Variants in NRP2 observed in about 807,000 individuals in gnomAD.
NRP2 encodes neuropilin 2, also known as neuropilin-2.
NRP2 carries 52 observed loss-of-function variants against 110.4 expected under a neutral mutation model. The observed-to-expected ratio is 0.47, with a 90% CI of 0.38 to 0.59. The LOEUF is 0.59. Ranked by LOEUF, NRP2 falls within the 20% of genes least tolerant of loss-of-function variation. The pLI, the probability that NRP2 is intolerant of heterozygous loss-of-function variation, is 0.00. For synonymous variants in NRP2, 508 were observed against 468.9 expected (o/e 1.08, Z -1.08); for missense variants, 1,049 against 1,203.0 (o/e 0.87, Z 1.89).
chr2:205,720,360 C>G (rs1408867142), intron 3 of NRP2, among the ~76,000 whole-genome samples: 1 of 146,400 alleles, frequency 6.8e-6, no homozygotes, highest in African/African-American at 2.5e-5. Flanking sequence ...TGGATACTTT[C>G]AAATTTCACA....
intron 15 of NRP2, among the ~76,000 whole-genome samples, chr2:205,770,589 C>T (rs1370670292): frequency 6.6e-6 from 1 of 152,168 alleles, no homozygotes; most frequent in Non-Finnish European, 1.5e-5. Context: ...CCTCACATTC[C>T]CTTTCTCCCT....
At position 205,723,905 on chromosome 2, in the gene NRP2, C is replaced by T. The variant is rs370384347; in HGVS notation, c.785C>T (p.Ala262Val). 274 of 1,614,132 alleles carry T rather than the reference C, an allele frequency of 1.7e-4. 5 individuals are homozygous for T. In the South Asian group the frequency reaches 2.0e-3, roughly 12 times the overall value. Residue 262 changes from alanine to valine, a missense_variant, in exon 5 of 17, where the codon GCG (alanine) becomes GTG (valine). By Grantham distance (64) the Ala-to-Val change is moderately conservative (BLOSUM62 0). Transcript: ENST00000357785. Reference sequence around the variant, plus strand: ...GCGGTGGCCAAGGATGGCTTCTCTGCGCGTTACTACCTGGTCCACCAAGAG... The same window carrying T: ...GCGGTGGCCAAGGATGGCTTCTCTGTGCGTTACTACCTGGTCCACCAAGAG... ...DMAVAKDGFSARYYLVHQEPL... is the reference protein window; with the variant it reads ...DMAVAKDGFSVRYYLVHQEPL...
chr2:205,765,143 TAGTG>T (rs765588288), intron 13 of NRP2, among the ~76,000 whole-genome samples: 3 of 152,076 alleles, frequency 2.0e-5, no homozygotes, highest in Non-Finnish European at 2.9e-5. Flanking sequence ...ACCTCGAAAA[TAGTG>T]AGGGAAGTTT....
chr2:205,723,758 T>C (rs777362696), intron 4 of NRP2, 27 bp from the exon 5 acceptor site: 1 of 1,613,720 alleles, frequency 6.2e-7, no homozygotes, highest in South Asian at 1.1e-5. Flanking sequence ...TGATTTCCAC[T>C]GACTTCTCTT....
At chr2:205,721,850 TA>T (rs2057019509) in intron 3 of NRP2, among the ~76,000 whole-genome samples, 1 of 152,176 alleles carries the variant, frequency 6.6e-6, no homozygotes, top group African/African-American at 2.4e-5. Context: ...CATCGATTGT[TA>T]ATTGTCCGAC....
intron 2 of NRP2, among the ~76,000 whole-genome samples, chr2:205,714,568 G>A (rs2056857430): frequency 1.3e-5 from 2 of 152,190 alleles, no homozygotes; most frequent in Admixed American, 1.3e-4. Context: ...TTGGAAATGA[G>A]GAAGCATGTT....
At chr2:205,767,505 T>C (rs1315674532) in intron 15 of NRP2, 1 of 486,022 alleles carries the variant, frequency 2.1e-6, no homozygotes, top group East Asian at 6.0e-5. Flanking sequence ...AGAAAGGACG[T>C]GTTCTCCCCC....
chr2:205,720,401 G>A (rs995372322), intron 3 of NRP2, among the ~76,000 whole-genome samples: 2 of 151,360 alleles, frequency 1.3e-5, no homozygotes, highest in South Asian at 4.2e-4. Context: ...CTCACTAGAT[G>A]TCCATCGTGG....
intron 11 of NRP2, among the ~76,000 whole-genome samples, chr2:205,751,884 G>C (rs1281733683): frequency 6.6e-6 from 1 of 152,198 alleles, no homozygotes; most frequent in South Asian, 2.1e-4. Flanking sequence ...AGGCACTGCC[G>C]GCAAACAACC....
chr2:205,722,420 CAG>C (rs2057038926), intron 3 of NRP2, 56 bp from the exon 4 acceptor site: 2 of 1,368,714 alleles, frequency 1.5e-6, no homozygotes, highest in African/African-American at 2.9e-5. Flanking sequence ...ACCCATGTGA[CAG>C]AGGCCACAAA....
chr2:205,706,390 C>G (rs754495197), intron 2 of NRP2, among the ~76,000 whole-genome samples: 3 of 152,066 alleles, frequency 2.0e-5, no homozygotes, highest in Non-Finnish European at 4.4e-5. Flanking sequence ...TATTTCAGCC[C>G]AGGAACTGGC....
chr2:205,690,975 G>A (rs539963873), intron 1 of NRP2, among the ~76,000 whole-genome samples: 15 of 152,148 alleles, frequency 9.9e-5, no homozygotes, highest in Non-Finnish European at 1.3e-4. Flanking sequence ...ATAACAGCTG[G>A]GGGTGGGGAG....
rs569708525 is a variant in NRP2 at position 205,734,419 on chromosome 2, G to A, written c.1147-6100G>A. Among the ~76,000 whole-genome samples, 60 of 56,344 alleles carry A rather than the reference G, an allele frequency of 1.1e-3. No individual in the cohort carries two copies. In the South Asian group the frequency reaches 0.035, roughly 32 times the overall value. 37.0% of individuals were successfully genotyped at this position (56,344 alleles called of 152,430 possible). On this transcript the variant is annotated intron_variant, in intron 7 of 16. Transcript: ENST00000357785. ...CCACCGCCCCCCCCCACCCCGCATC[G>A]CAACAGTTCCCTCCCCCTACTTGAC...
chr2:205,749,668 C>G (rs2057605733), intron 10 of NRP2, 57 bp from the exon 11 acceptor site: 1 of 1,363,594 alleles, frequency 7.3e-7, no homozygotes, highest in African/African-American at 1.4e-5. Flanking sequence ...CTTCCTCCTG[C>G]TGGGTTGCAA....
intron 7 of NRP2, among the ~76,000 whole-genome samples, chr2:205,736,912 C>G (rs1186919966): frequency 2.0e-5 from 3 of 152,006 alleles, no homozygotes; most frequent in Admixed American, 6.6e-5. Context: ...TTGAGAAAGT[C>G]ATAAAGATGT....
chr2:205,726,697 A>T (rs1201125937), intron 6 of NRP2, among the ~76,000 whole-genome samples: 1 of 152,166 alleles, frequency 6.6e-6, no homozygotes, highest in African/African-American at 2.4e-5. Context: ...TCCAATTCTC[A>T]TCCCCTGGGA....
intron 7 of NRP2, among the ~76,000 whole-genome samples, chr2:205,730,941 G>C (rs1030385254): frequency 6.6e-6 from 1 of 152,204 alleles, no homozygotes; most frequent in African/African-American, 2.4e-5. Context: ...GCCTGTTCTT[G>C]GTCTCTTCCC....
At chr2:205,688,757 A>G (rs2056234816) in intron 1 of NRP2, among the ~76,000 whole-genome samples, 1 of 152,218 alleles carries the variant, frequency 6.6e-6, no homozygotes, top group Admixed American at 6.5e-5. Context: ...TGCTACTCCT[A>G]TCCAGTAGAA....
At chr2:205,764,306 G>C (rs1218444731) in intron 13 of NRP2, 5 of 267,674 alleles carry the variant, frequency 1.9e-5, no homozygotes, top group African/African-American at 1.1e-4. Context: ...GATCTGGGGA[G>C]GAAATAGGAT....
Sources: gnomAD v4.1 joint callset for allele counts (sites outside exome capture counted in the v4.1 genomes callset) on GRCh38, gnomAD v4.1.1 for gene constraint, MANE v1.5 for transcripts, NCBI Gene and HGNC (gene_info 2026-07-23, HGNC 2026-07-21) for gene names.